The following ZMYM2 variants were observed in gnomAD, a reference collection of about 807,000 sequenced individuals.
ZMYM2 encodes zinc finger MYM-type containing 2.
In ZMYM2, 56 loss-of-function variants were observed where a neutral mutation model predicts 162.8. That is an observed-to-expected ratio of 0.34 (90% confidence interval 0.28 to 0.43). ZMYM2 has a LOEUF of 0.43. Ranked by LOEUF, ZMYM2 falls within the 20% of genes least tolerant of loss-of-function variation. The pLI is 1.00. For synonymous variants in ZMYM2, 510 were observed against 541.6 expected (o/e 0.94, Z 0.81); for missense variants, 1,275 against 1,621.8 (o/e 0.79, Z 3.67).
chr13:20,009,279 C>A (rs555233069), intron 6 of ZMYM2, among the ~76,000 whole-genome samples: 1 of 152,122 alleles, frequency 6.6e-6, no homozygotes, highest in African/African-American at 2.4e-5. Flanking sequence ...TACCCCACAA[C>A]AAGGACTAGG....
chr13:20,079,274 C>T (rs969662246), intron 21 of ZMYM2, among the ~76,000 whole-genome samples: 3 of 127,624 alleles, frequency 2.4e-5, no homozygotes, highest in East Asian at 5.3e-4. Flanking sequence ...GCCGGGATTG[C>T]GCCACTGCAT....
chr13:20,005,939 T>C (rs1950706289), intron 5 of ZMYM2, among the ~76,000 whole-genome samples: 1 of 152,136 alleles, frequency 6.6e-6, no homozygotes, highest in Non-Finnish European at 1.5e-5. Context: ...TAAATAATTA[T>C]GAAAATGGGG....
intron 21 of ZMYM2, among the ~76,000 whole-genome samples, chr13:20,078,398 T>C (rs1037620402): frequency 9.9e-5 from 15 of 152,216 alleles, no homozygotes; most frequent in Admixed American, 6.5e-4. Flanking sequence ...TAAATTGTTA[T>C]GTATATTGTT....
At chr13:19,943,787 G>A in the ZMYM2 span, among the ~76,000 whole-genome samples, 2 of 152,182 alleles carry the variant, frequency 1.3e-5, no homozygotes, top group African/African-American at 4.8e-5. Context: ...GTTGGTATAT[G>A]TGCCCAAGTG....
the ZMYM2 span, among the ~76,000 whole-genome samples, chr13:19,947,695 A>G: frequency 0.023 from 2,004 of 87,736 alleles, 25 homozygotes; most frequent in African/African-American, 0.034. Context: ...GCTAGTCTCG[A>G]ATTGTCTCGA....
the ZMYM2 span, among the ~76,000 whole-genome samples, chr13:19,948,000 TAAAA>T: frequency 2.7e-5 from 1 of 36,498 alleles, no homozygotes; most frequent in Non-Finnish European, 9.6e-5. Context: ...ATCCTGTAAG[TAAAA>T]AAAAAAAAAA....
chr13:20,002,899 A>G lies in ZMYM2; in HGVS notation c.897A>G (p.Pro299=). The change falls in exon 4 of 25, where the codon CCA becomes CCG. Residue 299 remains proline, a synonymous_variant. Coordinates refer to ENST00000610343, the MANE Select transcript of ZMYM2 (RefSeq NM_197968.4). The part of the protein sequence containing the change: ...SASFPRNQKQ[P]GVDSLSPVAS... Reference sequence around the variant, plus strand: ...CATTTCCCCGTAATCAGAAACAACCAGGGGTGGACTCTTTATCACCAGTGG... The same window carrying G: ...CATTTCCCCGTAATCAGAAACAACCGGGGGTGGACTCTTTATCACCAGTGG... The G allele has an allele frequency of 6.2e-7, 1 of 1,614,140 alleles. No homozygotes were observed. Among genetic ancestry groups the G allele is most frequent in the Non-Finnish European group, 8.5e-7 (1 of 1,180,002 alleles).
chr13:19,935,525 G>A, the ZMYM2 span, among the ~76,000 whole-genome samples: 3 of 152,160 alleles, frequency 2.0e-5, no homozygotes, highest in Non-Finnish European at 2.9e-5. Context: ...GTGCAAAAGC[G>A]TTCCAATTTT....
the ZMYM2 span, among the ~76,000 whole-genome samples, chr13:19,869,554 G>A: frequency 1.3e-5 from 2 of 152,186 alleles, no homozygotes; most frequent in African/African-American, 2.4e-5. Context: ...TTGGGAGGCC[G>A]AGGCAGGTGG....
chr13:19,923,262 C>T, the ZMYM2 span, among the ~76,000 whole-genome samples: 3 of 139,896 alleles, frequency 2.1e-5, no homozygotes, highest in Non-Finnish European at 3.0e-5. Flanking sequence ...GAGGCTGAGG[C>T]AGGAGAATCC....
chr13:20,051,935 G>T (rs984972745), intron 13 of ZMYM2, among the ~76,000 whole-genome samples: 1 of 151,994 alleles, frequency 6.6e-6, no homozygotes, highest in African/African-American at 2.4e-5. Flanking sequence ...TTAGCAAATC[G>T]TATTGCTAGG....
upstream of ZMYM2, among the ~76,000 whole-genome samples, chr13:19,956,693 T>C (rs955246022): frequency 6.6e-6 from 1 of 152,226 alleles, no homozygotes; most frequent in Non-Finnish European, 1.5e-5. Flanking sequence ...AGTAGCAGTA[T>C]AGAGCTCCAA....
intron 21 of ZMYM2, among the ~76,000 whole-genome samples, chr13:20,069,134 C>T (rs1956896241): frequency 6.6e-6 from 1 of 152,026 alleles, no homozygotes; most frequent in Non-Finnish European, 1.5e-5. Flanking sequence ...GTTCACTATT[C>T]TAGTAGGTGG....
rs1958281138 is a variant in ZMYM2, at chr13:20,086,597, A to G, written c.*583A>G. 1 of 203,162 alleles carries G rather than the reference A, an allele frequency of 4.9e-6. No homozygotes were observed. Among genetic ancestry groups the G allele is most frequent in the Non-Finnish European group, 1.0e-5 (1 of 98,684 alleles). 12.6% of individuals were successfully genotyped at this position (203,162 alleles called of 1,614,324 possible). On this transcript the variant is annotated 3_prime_UTR_variant, in exon 25 of 25. Coordinates refer to ENST00000610343, the MANE Select transcript of ZMYM2 (RefSeq NM_197968.4). Reference sequence around the variant, plus strand: ...ATACCATCTTCTGTACCAAAAATAGACAAGAGAATGCTGTCAATATTGGTG... The same window carrying G: ...ATACCATCTTCTGTACCAAAAATAGGCAAGAGAATGCTGTCAATATTGGTG...
intron 10 of ZMYM2, among the ~76,000 whole-genome samples, chr13:20,033,717 T>C (rs888654462): frequency 1.1e-4 from 16 of 152,136 alleles, no homozygotes; most frequent in African/African-American, 3.9e-4. Context: ...GAGAAACAAA[T>C]TATTACTAAT....
the ZMYM2 span, among the ~76,000 whole-genome samples, chr13:19,939,313 C>T: frequency 7.3e-5 from 11 of 151,562 alleles, no homozygotes; most frequent in East Asian, 1.9e-4. Context: ...TGTGAGCCAC[C>T]GCACCCAGCC....
At chr13:19,913,265 T>C in the ZMYM2 span, among the ~76,000 whole-genome samples, 3 of 152,166 alleles carry the variant, frequency 2.0e-5, no homozygotes, top group East Asian at 5.8e-4. Flanking sequence ...TGGGCCTTTC[T>C]TGAGACTGAA....
At chr13:19,920,732 A>ATGTG in the ZMYM2 span, among the ~76,000 whole-genome samples, 5 of 125,644 alleles carry the variant, frequency 4.0e-5, no homozygotes, top group East Asian at 2.7e-4. Context: ...CCCTTCATTT[A>ATGTG]TGTGTGTATG....
At chr13:19,934,073 A>G in the ZMYM2 span, among the ~76,000 whole-genome samples, 2 of 152,200 alleles carry the variant, frequency 1.3e-5, no homozygotes, top group African/African-American at 2.4e-5. Context: ...CCCGCTTTCT[A>G]TAGGACTTGT....
Sources: allele counts gnomAD v4.1 joint callset (sites outside exome capture counted in the v4.1 genomes callset), GRCh38; gene constraint gnomAD v4.1.1; transcripts MANE v1.5; gene names NCBI Gene and HGNC (gene_info 2026-07-23, HGNC 2026-07-21).